XPO6: variants seen among roughly 807,000 people sequenced by gnomAD.
XPO6 encodes the protein exportin 6, also known as exportin-6.
Under a neutral mutation model 130.0 loss-of-function variants are expected in XPO6, and 3 were observed. The observed-to-expected ratio is 0.02, with a 90% CI of 0.01 to 0.06. XPO6 has a LOEUF of 0.06. XPO6 is among the 10% of genes least tolerant of loss of function. The probability of loss-of-function intolerance (pLI) is 1.00; values close to 1 mark genes in which losing one functional copy is unlikely to be tolerated. For missense variants in XPO6, 970 were observed against 1,393.0 expected, an observed-to-expected ratio of 0.70 and a Z score of 4.83; for synonymous variants, 524 against 548.9, an observed-to-expected ratio of 0.95 and a Z score of 0.63.
chr16:28,166,839 A>G, intron 5 of XPO6: 6 of 984,752 alleles, frequency 6.1e-6, no homozygotes, highest in Non-Finnish European at 7.2e-6. Context: ...TGCCAGAGTC[A>G]CCTGGTTGCT....
intron 4 of XPO6, among the ~76,000 whole-genome samples, chr16:28,172,439 C>T (rs968034927): frequency 1.3e-5 from 2 of 152,108 alleles, no homozygotes; most frequent in African/African-American, 2.4e-5. Context: ...GCTGCTTGCC[C>T]CTTAAGTCTC....
chr16:28,146,045 A>G (rs1354667438), intron 9 of XPO6, 49 bp downstream of exon 9: 3 of 1,447,504 alleles, frequency 2.1e-6, no homozygotes, highest in Middle Eastern at 2.2e-4. Context: ...GGCCACTAGA[A>G]TAACTGGCAA....
chr16:28,134,986 C>T (rs1207658937), intron 10 of XPO6, among the ~76,000 whole-genome samples: 1 of 152,200 alleles, frequency 6.6e-6, no homozygotes, highest in African/African-American at 2.4e-5. Context: ...GGTTTCTCTA[C>T]TTACATCTCT....
intron 11 of XPO6, among the ~76,000 whole-genome samples, chr16:28,133,119 C>G (rs893138520): frequency 1.3e-5 from 2 of 152,168 alleles, no homozygotes; most frequent in Non-Finnish European, 2.9e-5. Context: ...GGGCAGACGA[C>G]GAGGTCAGGA....
chr16:28,117,509 A>T (rs758805957), intron 14 of XPO6, 47 bp from the exon 15 acceptor site: 20 of 1,593,798 alleles, frequency 1.3e-5, no homozygotes, highest in Non-Finnish European at 1.7e-5. Flanking sequence ...AGGTGAAAAT[A>T]TATTAGCGTT....
intron 12 of XPO6, among the ~76,000 whole-genome samples, chr16:28,128,177 A>G (rs1395976713): frequency 6.6e-6 from 1 of 152,190 alleles, no homozygotes; most frequent in Non-Finnish European, 1.5e-5. Flanking sequence ...TTTCAAGGTT[A>G]TATCTATGCA....
At chr16:28,200,398 A>T (rs1411270680) in intron 1 of XPO6, among the ~76,000 whole-genome samples, 1 of 152,194 alleles carries the variant, frequency 6.6e-6, no homozygotes, top group African/African-American at 2.4e-5. Context: ...TTAAAACTCA[A>T]AGAAATCAAG....
intron 6 of XPO6, among the ~76,000 whole-genome samples, chr16:28,164,346 T>C (rs540933662): frequency 6.6e-6 from 1 of 152,294 alleles, no homozygotes; most frequent in Admixed American, 6.5e-5. Context: ...ACAAAGACAG[T>C]TGAACAAAAG....
rs1334335728 is a variant in XPO6 at position 28,110,169 on chromosome 16, A to G, written c.2341+1648T>C. On this transcript the variant is annotated intron_variant, in intron 17 of 23. Transcript: ENST00000304658. The stretch of plus-strand genomic sequence containing the variant: ...GTTACAGGGTTACACAGGAAGTTAC[A>G]TGAAATAACGTATACAAAGTGCTCA... 2.6e-5 allele frequency among the ~76,000 whole-genome samples: 4 copies of G among 152,232 alleles called. No homozygotes were observed. In the South Asian group the frequency reaches 6.2e-4, roughly 24 times the overall value.
rs11860877 is a variant in XPO6, at chr16:28,127,074, G to C, written c.1607-1226C>G. Among the ~76,000 whole-genome samples the C allele has an allele frequency of 9.9e-3, 1,502 of 152,324 alleles. 31 individuals carry two copies. Among genetic ancestry groups the C allele is most frequent in the African/African-American group, 0.034 (1,429 of 41,566 alleles). On this transcript the variant is annotated intron_variant, in intron 12 of 23. Transcript: ENST00000304658. The stretch of plus-strand genomic sequence containing the variant: ...CAGCTCCCCTGAAGCAGGTGCTGAA[G>C]CCTCTGGAGGCTCTCTCCTGCTAAA...
At chr16:28,116,297 A>T (rs1017890024) in intron 15 of XPO6, among the ~76,000 whole-genome samples, 11 of 152,180 alleles carry the variant, frequency 7.2e-5, no homozygotes, top group East Asian at 5.8e-4. Flanking sequence ...CCGTCTCTAC[A>T]AAAAATACAA....
intron 17 of XPO6, chr16:28,111,121 GT>G (rs2086910236): frequency 6.6e-6 from 1 of 152,134 alleles, no homozygotes; most frequent in Non-Finnish European, 1.5e-5. Context: ...TAAAAGTAGT[GT>G]TTTTTAAAGA....
chr16:28,101,697 A>C lies in XPO6; in HGVS notation c.3046-9T>G. 1 of 1,603,030 alleles carries C rather than the reference A, an allele frequency of 6.2e-7. No homozygotes were observed. Among genetic ancestry groups the C allele is most frequent in the South Asian group, 1.1e-5 (1 of 90,226 alleles). ...GCAGTCCGGAAGATCTTCTGCAGGC[A>C]GAGAGACCAGGTGAGCAGCAGCCAG... On this transcript the variant is annotated splice_polypyrimidine_tract_variant and intron_variant, in intron 22 of 23. Transcript: ENST00000304658. This position sits in a 1 kb window ranked among gnomAD's most constrained non-coding sequence, Gnocchi z 5.4.
intron 17 of XPO6, among the ~76,000 whole-genome samples, chr16:28,110,857 G>A (rs575491082): frequency 2.0e-5 from 3 of 152,360 alleles, no homozygotes; most frequent in African/African-American, 7.2e-5. Flanking sequence ...CCAGAGACTT[G>A]ACGATGGATA....
intron 23 of XPO6, among the ~76,000 whole-genome samples, chr16:28,100,281 C>T (rs958453795): frequency 1.2e-4 from 18 of 152,204 alleles, no homozygotes; most frequent in East Asian, 1.9e-4. Flanking sequence ...TGAGACACCG[C>T]GCCTGGCCTA....
intron 9 of XPO6, among the ~76,000 whole-genome samples, chr16:28,138,867 ATAAG>A (rs1157277091): frequency 1.3e-5 from 2 of 152,226 alleles, no homozygotes; most frequent in South Asian, 2.1e-4. Context: ...GGTAGAACAA[ATAAG>A]TAAGAGGATT....
chr16:28,132,897 G>A lies in XPO6; in HGVS notation c.1537-494C>T, dbSNP rs547227263. 2.6e-4 allele frequency among the ~76,000 whole-genome samples: 39 copies of A among 152,304 alleles called. No homozygotes were observed. The highest frequency in any genetic ancestry group is 1.4e-3 in the Admixed American group (21 of 15,298). The stretch of plus-strand genomic sequence containing the variant: ...CCCTGGCTCAAGTAGCGGTCAGAAC[G>A]TCATAACCGGAGCTGCATCTTTCTT... On this transcript the variant is annotated intron_variant, in intron 11 of 23. Transcript: ENST00000304658. The surrounding 1 kb of genome is among the most constrained non-coding windows in gnomAD (Gnocchi z 4.0).
At chr16:28,191,566 A>G (rs764186759) in intron 1 of XPO6, among the ~76,000 whole-genome samples, 3 of 152,218 alleles carry the variant, frequency 2.0e-5, no homozygotes, top group Non-Finnish European at 2.9e-5. Context: ...AGCAAGTCCA[A>G]TCTTGTTCTA....
intron 1 of XPO6, among the ~76,000 whole-genome samples, chr16:28,197,720 G>A (rs113259433): frequency 0.043 from 6,481 of 151,598 alleles, 478 homozygotes; most frequent in African/African-American, 0.15. Context: ...TTCAAGACCA[G>A]CCTGGCCAAC....
Sources: allele counts gnomAD v4.1 joint callset (sites outside exome capture counted in the v4.1 genomes callset), GRCh38; gene constraint gnomAD v4.1.1; non-coding constraint Gnocchi (gnomAD v3.1); transcripts MANE v1.5; gene names NCBI Gene and HGNC (gene_info 2026-07-23, HGNC 2026-07-21).